The following SLC12A2 variants were observed in gnomAD, a reference collection of about 807,000 sequenced individuals.
SLC12A2 encodes solute carrier family 12 member 2, also known as Na-K-2Cl cotransporter 1.
SLC12A2 carries 67 observed loss-of-function variants against 136.3 expected under a neutral mutation model. The observed-to-expected ratio is 0.49, with a 90% CI of 0.40 to 0.60. The LOEUF (loss-of-function observed/expected upper bound fraction) is 0.60. Among genes scored for constraint, SLC12A2 ranks in the 20% least tolerant of loss-of-function variants. SLC12A2 has a pLI of 0.00. For missense variants in SLC12A2, 1,322 were observed against 1,534.7 expected, an observed-to-expected ratio of 0.86 and a Z score of 2.32; for synonymous variants, 619 against 562.9, an observed-to-expected ratio of 1.10 and a Z score of -1.41.
intron 4 of SLC12A2, among the ~76,000 whole-genome samples, chr5:128,125,067 A>T (rs1581087404): frequency 6.6e-6 from 1 of 152,246 alleles, no homozygotes; most frequent in Non-Finnish European, 1.5e-5. Flanking sequence ...CAGCAAGGAA[A>T]ATAATTTCAG....
chr5:128,173,446 A>T (rs1334813175), intron 19 of SLC12A2, among the ~76,000 whole-genome samples: 1 of 152,214 alleles, frequency 6.6e-6, no homozygotes, highest in East Asian at 1.9e-4. Flanking sequence ...AACTTTTAAA[A>T]AGTATTTTCA....
intron 1 of SLC12A2, among the ~76,000 whole-genome samples, chr5:128,102,027 A>G (rs920179605): frequency 6.6e-6 from 1 of 152,182 alleles, no homozygotes; most frequent in Non-Finnish European, 1.5e-5. Flanking sequence ...GTAATGTTTT[A>G]CAGTATTTAT....
At position 128,187,243 on chromosome 5, in the gene SLC12A2, ATATGAG is replaced by A. The variant is rs1482489600; in HGVS notation, c.*616_*621del. 1 of 152,742 alleles carries A rather than the reference ATATGAG, an allele frequency of 6.5e-6. No homozygotes were observed. The highest frequency in any genetic ancestry group is 1.9e-4 in the East Asian group (1 of 5,182). The allele number at this position is 152,742 out of a possible 1,614,324, so 9.5% of individuals were successfully genotyped here. On this transcript the variant is annotated 3_prime_UTR_variant, in exon 27 of 27. Transcript: ENST00000262461. ...AAAAAGTAACCCCATGGTAAGGTTTATATGAGTATATGTGAATATAGAGCTAGGAAA... is the reference window on the plus strand; with the variant it reads ...AAAAAGTAACCCCATGGTAAGGTTTATATATGTGAATATAGAGCTAGGAAA...
rs1759904360 is a variant in SLC12A2 at position 128,083,952 on chromosome 5, G to T, written c.-3G>T. The T allele has an allele frequency of 8.1e-7, 1 of 1,235,070 alleles. No individual in the cohort carries two copies. The highest frequency in any genetic ancestry group is 1.6e-5 in the African/African-American group (1 of 63,874). The allele number at this position is 1,235,070 out of a possible 1,614,324, so 76.5% of individuals were successfully genotyped here. On this transcript the variant is annotated 5_prime_UTR_variant, in exon 1 of 27. Coordinates refer to ENST00000262461, the MANE Select transcript of SLC12A2 (RefSeq NM_001046.3). ...CTGCAGTTCCGCCGGGGGTCGGGCA[G>T]CTATGGAGCCGCGGCCCACGGCGCC... is the stretch of plus-strand genomic sequence containing the variant.
At chr5:128,171,590 A>C (rs1763376736) in intron 18 of SLC12A2, 77 bp from the exon 19 acceptor site, 1 of 864,974 alleles carries the variant, frequency 1.2e-6, no homozygotes, top group Non-Finnish European at 1.9e-6. Flanking sequence ...ATCATCTATT[A>C]TTTATTTTAA....
At chr5:128,113,733 A>G (rs553494719) in intron 2 of SLC12A2, among the ~76,000 whole-genome samples, 19 of 152,132 alleles carry the variant, frequency 1.2e-4, no homozygotes, top group African/African-American at 4.3e-4. Context: ...GGAAACTTTT[A>G]CAACTAATTT....
At chr5:128,160,627 G>C (rs1763007783) in intron 16 of SLC12A2, among the ~76,000 whole-genome samples, 1 of 152,140 alleles carries the variant, frequency 6.6e-6, no homozygotes, top group Non-Finnish European at 1.5e-5. Flanking sequence ...TAATCCGAAA[G>C]TAGTTTTTAG....
chr5:128,084,483 A>C lies in SLC12A2; in HGVS notation c.529A>C (p.Thr177Pro), dbSNP rs370334796. 4 of 1,609,538 alleles carry C rather than the reference A, an allele frequency of 2.5e-6. No homozygotes were observed. The Admixed American group carries it at 6.7e-5, about 27-fold the overall frequency. The change falls in exon 1 of 27, where the codon ACG (threonine) becomes CCG (proline). Residue 177 changes from threonine to proline, a missense_variant. Physicochemically the swap from Thr to Pro is conservative, Grantham distance 38. Coordinates refer to ENST00000262461, the MANE Select transcript of SLC12A2 (RefSeq NM_001046.3). The surrounding 1 kb of genome is among the most constrained non-coding windows in gnomAD (Gnocchi z 5.6). ...CGTGAGCTTCCAGAACGGCGGGGAC[A>C]CGGTGCTGAGCGAGGGCAGCAGCCT... Reference protein sequence around the residue: ...PNVSFQNGGDTVLSEGSSLHS... With the variant: ...PNVSFQNGGDPVLSEGSSLHS...
intron 7 of SLC12A2, among the ~76,000 whole-genome samples, chr5:128,136,343 T>A (rs956313760): frequency 3.3e-5 from 5 of 152,142 alleles, no homozygotes; most frequent in Admixed American, 1.3e-4. Context: ...TCCAGCACAT[T>A]TGGAGGGTGC....
intron 4 of SLC12A2, among the ~76,000 whole-genome samples, chr5:128,119,173 T>G (rs1761462131): frequency 6.6e-6 from 1 of 152,146 alleles, no homozygotes. Flanking sequence ...GTAATAGAGC[T>G]AGAATTATCC....
In SLC12A2 at chr5:128,149,999, G is replaced by C; in HGVS notation, c.2008G>C (p.Glu670Gln). 6.2e-7 allele frequency: 1 copy of C among 1,604,858 alleles called. No homozygotes were observed. Among genetic ancestry groups the C allele is most frequent in the Non-Finnish European group, 8.5e-7 (1 of 1,173,628 alleles). The stretch of plus-strand genomic sequence containing the variant: ...TCTCGCATGTGTTTGTTCTGCAGCT[G>C]AACTGAATGTTATTGCACCAATTAT... ...LIALGFILIA[E>Q]LNVIAPIISN... The change falls in exon 13 of 27, where the codon GAA (glutamate) becomes CAA (glutamine). Residue 670 changes from glutamate to glutamine, a missense_variant and splice_region_variant. Around this residue, in one of 8 missense-constraint regions of SLC12A2, gnomAD observed 294 missense variants for 436.6 expected, o/e 0.67. Coordinates refer to ENST00000262461, the MANE Select transcript of SLC12A2 (RefSeq NM_001046.3).
In SLC12A2 at chr5:128,178,617, G is replaced by A; in HGVS notation, c.3028G>A (p.Glu1010Lys). Residue 1010 changes from glutamate (E) to lysine (K), a missense_variant, in exon 22 of 27, where the codon GAA becomes AAA. Physicochemically the swap from Glu to Lys is moderately conservative, Grantham distance 56. This residue lies in a region of SLC12A2 where 226 missense variants were observed against 210.4 expected (regional missense o/e 1.07). Coordinates refer to ENST00000262461, the MANE Select transcript of SLC12A2 (RefSeq NM_001046.3). ...AAATGTAGCTGACCAAAAGCTTCTT[G>A]AAGCTAGTACACAGTTTCAGAAAAA... is the stretch of plus-strand genomic sequence containing the variant. ...PLNVADQKLLEASTQFQKKQG... is the reference protein window; with the variant it reads ...PLNVADQKLLKASTQFQKKQG... The A allele has an allele frequency of 6.2e-7, 1 of 1,600,200 alleles. No individual in the cohort carries two copies. The highest frequency in any genetic ancestry group is 1.3e-5 in the African/African-American group (1 of 74,346).
intron 16 of SLC12A2, among the ~76,000 whole-genome samples, chr5:128,160,060 A>G (rs1762991039): frequency 6.6e-6 from 1 of 152,212 alleles, no homozygotes; most frequent in Non-Finnish European, 1.5e-5. Flanking sequence ...ATGCAGCCAT[A>G]AAAAAGAATG....
chr5:128,183,002 C>T, intron 24 of SLC12A2, 61 bp downstream of exon 24: 2 of 1,016,558 alleles, frequency 2.0e-6, no homozygotes. Flanking sequence ...ACAGATTCAA[C>T]TTAATTAAAA....
In SLC12A2 at chr5:128,181,301, G is replaced by A. The variant is rs1246244901; in HGVS notation, c.3212+307G>A. On this transcript the variant is annotated intron_variant, in intron 23 of 26. Transcript: ENST00000262461. ...TTAATCAGGGAGAAAATGCACAAAC[G>A]TTACATATTTATATATGAGATAAAT... 5.3e-5 allele frequency among the ~76,000 whole-genome samples: 8 copies of A among 152,078 alleles called. No homozygotes were observed. The South Asian group carries it at 1.0e-3, about 20-fold the overall frequency.
intron 7 of SLC12A2, among the ~76,000 whole-genome samples, chr5:128,137,483 T>C (rs1183875035): frequency 6.6e-6 from 1 of 152,234 alleles, no homozygotes; most frequent in African/African-American, 2.4e-5. Context: ...TCATTTGTTA[T>C]TCACAAATCC....
chr5:128,085,002 T>C (rs1356545183), intron 1 of SLC12A2, among the ~76,000 whole-genome samples: 1 of 150,168 alleles, frequency 6.7e-6, no homozygotes, highest in African/African-American at 2.5e-5. Flanking sequence ...CGCTCAACAG[T>C]CACCATCCCT....
intron 16 of SLC12A2, among the ~76,000 whole-genome samples, chr5:128,158,764 T>A (rs1180333789): frequency 6.6e-6 from 1 of 152,168 alleles, no homozygotes; most frequent in African/African-American, 2.4e-5. Context: ...TTTGAGTTCT[T>A]TGAGAAGGCC....
At chr5:128,130,254 A>G (rs1761966035) in intron 4 of SLC12A2, among the ~76,000 whole-genome samples, 1 of 152,070 alleles carries the variant, frequency 6.6e-6, no homozygotes, top group South Asian at 2.1e-4. Flanking sequence ...TCTACTAATA[A>G]TACAAAAATC....
Sources: gnomAD v4.1 joint callset for allele counts (sites outside exome capture counted in the v4.1 genomes callset) on GRCh38, gnomAD v4.1.1 for gene constraint, gnomAD v4.1.1 regional missense constraint, Gnocchi (gnomAD v3.1) non-coding constraint, MANE v1.5 for transcripts, NCBI Gene and HGNC (gene_info 2026-07-23, HGNC 2026-07-21) for gene names.